Variants in IPO7 observed in about 807,000 individuals in gnomAD.
The protein encoded by IPO7 is importin 7.
IPO7 carries 13 observed loss-of-function variants against 136.4 expected under a neutral mutation model. That is an observed-to-expected ratio of 0.10 (90% CI 0.06 to 0.15). The LOEUF (loss-of-function observed/expected upper bound fraction) is 0.15. IPO7 is among the 10% of genes least tolerant of loss of function. The pLI is 1.00. For missense variants in IPO7, 857 were observed against 1,240.6 expected (o/e 0.69, Z 4.65); for synonymous variants, 403 against 404.4 (o/e 1.00, Z 0.04).
At chr11:9,399,556 T>C (rs562588106) in intron 1 of IPO7, among the ~76,000 whole-genome samples, 2 of 152,270 alleles carry the variant, frequency 1.3e-5, no homozygotes, top group South Asian at 4.1e-4. Context: ...ACTGTGAGGA[T>C]AGTGATGAGA....
chr11:9,400,496 A>C (rs1202268194), intron 1 of IPO7, among the ~76,000 whole-genome samples: 2 of 151,636 alleles, frequency 1.3e-5, no homozygotes, highest in Non-Finnish European at 2.9e-5. Context: ...ATCTCGGCTC[A>C]CTGCAGGCTC....
At chr11:9,401,547 A>G (rs1355555871) in intron 1 of IPO7, among the ~76,000 whole-genome samples, 1 of 129,478 alleles carries the variant, frequency 7.7e-6, no homozygotes. Flanking sequence ...ATGGCAACAA[A>G]GCAAACAAAA....
intron 2 of IPO7, among the ~76,000 whole-genome samples, chr11:9,404,292 C>G (rs1013015529): frequency 6.6e-6 from 1 of 151,674 alleles, no homozygotes; most frequent in Admixed American, 6.6e-5. Context: ...GGTGAAACCC[C>G]GTCTCTACTA....
At chr11:9,408,050 T>G (rs1160476272) in intron 2 of IPO7, among the ~76,000 whole-genome samples, 1 of 152,216 alleles carries the variant, frequency 6.6e-6, no homozygotes, top group Non-Finnish European at 1.5e-5. Flanking sequence ...CTTTATATGC[T>G]ATTATTTTTC....
chr11:9,409,366 C>T (rs1161518639), intron 3 of IPO7, among the ~76,000 whole-genome samples: 1 of 152,180 alleles, frequency 6.6e-6, no homozygotes, highest in African/African-American at 2.4e-5. Context: ...GCCTAGGCCT[C>T]ACAAAGTACT....
At chr11:9,429,269 C>G (rs1321622956) in intron 14 of IPO7, 73 bp downstream of exon 14, 3 of 1,251,414 alleles carry the variant, frequency 2.4e-6, no homozygotes, top group Non-Finnish European at 3.4e-6. Context: ...AATCTTAGCA[C>G]TTCGGTAGGC....
chr11:9,391,633 GGCAGAGCTTGCGGTGA>G (rs1190425031), intron 1 of IPO7, among the ~76,000 whole-genome samples: 1 of 152,204 alleles, frequency 6.6e-6, no homozygotes, highest in African/African-American at 2.4e-5. Flanking sequence ...GAACCTGGGA[GGCAGAGCTTGCGGTGA>G]GCAGAGATCA....
At chr11:9,408,830 C>T (rs1265769335) in intron 3 of IPO7, among the ~76,000 whole-genome samples, 191 bp downstream of exon 3, 1 of 148,196 alleles carries the variant, frequency 6.7e-6, no homozygotes, top group Non-Finnish European at 1.5e-5. Flanking sequence ...TCCTGCCTCT[C>T]AGCTCCACGA....
At chr11:9,416,158 G>A (rs1164453347) in intron 5 of IPO7, among the ~76,000 whole-genome samples, 1 of 152,148 alleles carries the variant, frequency 6.6e-6, no homozygotes, top group Non-Finnish European at 1.5e-5. Flanking sequence ...CTGACAGAGC[G>A]AGACCTGGTC....
intron 3 of IPO7, among the ~76,000 whole-genome samples, chr11:9,409,178 G>A (rs188731709): frequency 1.7e-4 from 25 of 151,096 alleles, no homozygotes; most frequent in Non-Finnish European, 8.9e-5. Flanking sequence ...GCGCAATCTC[G>A]GCTCGCTACA....
At chr11:9,437,016 A>C (rs553286753) in intron 20 of IPO7, among the ~76,000 whole-genome samples, 72 of 146,256 alleles carry the variant, frequency 4.9e-4, no homozygotes, top group African/African-American at 1.8e-3. Context: ...TCCTGAGTAG[A>C]TGGGATTATA....
Position 9,420,615 on chromosome 11 carries a change from T to C in IPO7, c.823T>C (p.Tyr275His). ...ATGGGCATTTTGATGTTCTTTTAGA[T>C]ATGGAAGCCCTGGCAATGTTTCCAA... ...LHILARLFERYGSPGNVSKEY... is the reference protein window; with the variant it reads ...LHILARLFERHGSPGNVSKEY... The change falls in exon 8 of 25, where the codon TAT (tyrosine) becomes CAT (histidine). Residue 275 changes from tyrosine to histidine, a missense_variant and splice_region_variant. Tyr to His is a moderately conservative substitution (Grantham distance 83, BLOSUM62 2). This residue lies in a region of IPO7 where 287 missense variants were observed against 307.5 expected (regional missense o/e 0.93). Transcript: ENST00000379719. The C allele has an allele frequency of 6.2e-7, 1 of 1,610,680 alleles. No homozygotes were observed. The highest frequency in any genetic ancestry group is 8.5e-7 in the Non-Finnish European group (1 of 1,177,048).
At chr11:9,394,156 C>T (rs373711027) in intron 1 of IPO7, among the ~76,000 whole-genome samples, 13 of 152,172 alleles carry the variant, frequency 8.5e-5, no homozygotes, top group East Asian at 1.9e-4. Context: ...GGATTGCAGG[C>T]GTGAACCATC....
intron 12 of IPO7, among the ~76,000 whole-genome samples, chr11:9,425,512 G>C (rs950574577): frequency 1.3e-5 from 2 of 151,846 alleles, no homozygotes; most frequent in African/African-American, 2.4e-5. Context: ...AGGCCAGGGC[G>C]GGGGGATCAC....
At chr11:9,428,954 G>C in intron 13 of IPO7, 77 bp from the exon 14 acceptor site, 1 of 1,307,000 alleles carries the variant, frequency 7.7e-7, no homozygotes, top group Non-Finnish European at 1.1e-6. Context: ...CCCACACACA[G>C]AACTCAGGGA....
intron 8 of IPO7, among the ~76,000 whole-genome samples, chr11:9,422,763 C>T (rs1293338321): frequency 1.3e-5 from 2 of 152,026 alleles, no homozygotes; most frequent in African/African-American, 2.4e-5. Flanking sequence ...GCCGGGGCAA[C>T]GTAGTGAGAC....
At chr11:9,405,008 T>C (rs1336869666) in intron 2 of IPO7, among the ~76,000 whole-genome samples, 3 of 152,204 alleles carry the variant, frequency 2.0e-5, no homozygotes, top group Non-Finnish European at 4.4e-5. Flanking sequence ...AAATGTTGCC[T>C]AGTACAGTGT....
At chr11:9,406,870 T>C (rs1564994813) in intron 2 of IPO7, among the ~76,000 whole-genome samples, 2 of 152,082 alleles carry the variant, frequency 1.3e-5, no homozygotes, top group Non-Finnish European at 2.9e-5. Context: ...TGAGACCCTT[T>C]CTCAAAAAAG....
chr11:9,416,973 C>A, intron 5 of IPO7, 86 bp from the exon 6 acceptor site: 1 of 596,908 alleles, frequency 1.7e-6, no homozygotes, highest in South Asian at 2.5e-5. Context: ...GAATGAAATA[C>A]TTTTGGTAGG....
Sources: gnomAD v4.1 joint callset for allele counts (sites outside exome capture counted in the v4.1 genomes callset) on GRCh38, gnomAD v4.1.1 for gene constraint, gnomAD v4.1.1 regional missense constraint, MANE v1.5 for transcripts, NCBI Gene and HGNC (gene_info 2026-07-23, HGNC 2026-07-21) for gene names.